The following PALLD variants were observed in gnomAD, a reference collection of about 807,000 sequenced individuals.
The protein encoded by PALLD is palladin.
PALLD carries 61 observed loss-of-function variants against 123.5 expected under a neutral mutation model. The observed-to-expected ratio is 0.49, with a 90% CI of 0.40 to 0.61. The LOEUF is 0.61. PALLD is among the 20% of genes least tolerant of loss of function. The probability of loss-of-function intolerance (pLI) is 0.00; values close to 1 mark genes in which losing one functional copy is unlikely to be tolerated. For synonymous variants in PALLD, 465 were observed against 496.4 expected (o/e 0.94, Z 0.84); for missense variants, 1,273 against 1,377.0 (o/e 0.92, Z 1.20).
chr4:168,723,172 C>G (rs145572119), intron 10 of PALLD, among the ~76,000 whole-genome samples: 19 of 152,108 alleles, frequency 1.2e-4, no homozygotes, highest in African/African-American at 4.6e-4. Flanking sequence ...GGATGGTGGC[C>G]AACAGTGATG....
intron 10 of PALLD, among the ~76,000 whole-genome samples, chr4:168,715,174 C>T (rs1038644296): frequency 2.0e-5 from 3 of 152,018 alleles, no homozygotes; most frequent in African/African-American, 7.2e-5. Flanking sequence ...GTTCCTGGCC[C>T]AGTCTGTGGT....
At chr4:168,555,221 A>T (rs1350297124) in intron 2 of PALLD, among the ~76,000 whole-genome samples, 1 of 152,228 alleles carries the variant, frequency 6.6e-6, no homozygotes, top group East Asian at 1.9e-4. Context: ...ATAAGTCCTA[A>T]GTGCCAGCAA....
At chr4:168,622,533 G>A (rs1480011294) in intron 2 of PALLD, among the ~76,000 whole-genome samples, 1 of 151,966 alleles carries the variant, frequency 6.6e-6, no homozygotes, top group East Asian at 1.9e-4. Context: ...TTTTCTTTCA[G>A]CCCAGAAGAA....
chr4:168,877,815 C>G, intron 10 of PALLD: 3 of 1,259,992 alleles, frequency 2.4e-6, no homozygotes, highest in Non-Finnish European at 3.0e-6. Flanking sequence ...CGCAGCGCGC[C>G]GCCCTCGCCC....
intron 17 of PALLD, among the ~76,000 whole-genome samples, chr4:168,918,530 C>T (rs142506481): frequency 6.8e-4 from 104 of 152,004 alleles, no homozygotes; most frequent in African/African-American, 2.4e-3. Flanking sequence ...ACGGGCTAGA[C>T]GGGGAGAGGG....
At chr4:168,878,015 G>T in intron 10 of PALLD, 1 of 1,497,010 alleles carries the variant, frequency 6.7e-7, no homozygotes, top group South Asian at 1.2e-5. Flanking sequence ...CGGCACGCCG[G>T]CCTCCAGCCC....
chr4:168,784,381 C>T (rs1405235282), intron 10 of PALLD, among the ~76,000 whole-genome samples: 1 of 152,098 alleles, frequency 6.6e-6, no homozygotes, highest in Non-Finnish European at 1.5e-5. Flanking sequence ...AGAAAGGTAA[C>T]TCCAGTTCCA....
At chr4:168,712,531 T>C (rs533129815) in intron 10 of PALLD, among the ~76,000 whole-genome samples, 4 of 152,314 alleles carry the variant, frequency 2.6e-5, no homozygotes, top group Non-Finnish European at 5.9e-5. Flanking sequence ...CATTATTTTC[T>C]TAGGATGATA....
At chr4:168,661,647 T>C (rs1779145997) in intron 2 of PALLD, among the ~76,000 whole-genome samples, 1 of 152,254 alleles carries the variant, frequency 6.6e-6, no homozygotes, top group African/African-American at 2.4e-5. Flanking sequence ...CCTCAGCTCC[T>C]TGTTTGTGTG....
chr4:168,608,677 G>A (rs1773427880), intron 2 of PALLD, among the ~76,000 whole-genome samples: 2 of 152,074 alleles, frequency 1.3e-5, no homozygotes, highest in Non-Finnish European at 2.9e-5. Flanking sequence ...TGCTGCTGCT[G>A]TTGTTGTTGC....
intron 6 of PALLD, among the ~76,000 whole-genome samples, chr4:168,689,432 C>CTTTTTTTTTTTTTTTTTT (rs70961551): frequency 4.0e-5 from 2 of 49,858 alleles, no homozygotes; most frequent in Non-Finnish European, 7.6e-5. Flanking sequence ...ATCCAATATT[C>CTTTTTTTTTTTTTTTTTT]TTTTTTTTTT....
At chr4:168,739,443 G>C (rs372083835) in intron 10 of PALLD, among the ~76,000 whole-genome samples, 3 of 152,154 alleles carry the variant, frequency 2.0e-5, no homozygotes, top group Admixed American at 6.5e-5. Context: ...AAGATAAAGA[G>C]AGCTTGGTCA....
chr4:168,619,884 C>G (rs1774587138), intron 2 of PALLD, among the ~76,000 whole-genome samples: 1 of 152,138 alleles, frequency 6.6e-6, no homozygotes, highest in African/African-American at 2.4e-5. Flanking sequence ...ATGGTTGTCC[C>G]CAGTGAAAAG....
At chr4:168,724,053 C>T (rs1451790990) in intron 10 of PALLD, among the ~76,000 whole-genome samples, 2 of 152,042 alleles carry the variant, frequency 1.3e-5, no homozygotes, top group African/African-American at 4.8e-5. Context: ...CCACCGTGCC[C>T]AGCTAATTTT....
intron 6 of PALLD, among the ~76,000 whole-genome samples, chr4:168,690,319 C>G (rs528805896): frequency 6.6e-6 from 1 of 152,264 alleles, no homozygotes; most frequent in South Asian, 2.1e-4. Context: ...TCCATAAATG[C>G]AGAGCAGTCA....
chr4:168,767,561 T>C (rs1733844322), intron 10 of PALLD, among the ~76,000 whole-genome samples: 1 of 147,820 alleles, frequency 6.8e-6, no homozygotes, highest in Admixed American at 6.7e-5. Context: ...TTTTTTTTTT[T>C]TCCGAGACAG....
chr4:168,609,345 C>CAAAAAA lies in PALLD; in HGVS notation c.909-58826_909-58821dup, dbSNP rs5863949. ...AGAAAGCAGGAGTGAAAGCTGTTACCAAAAAAAAAAAAAAAAAAAAAAAAG... is the reference window on the plus strand; with the variant it reads ...AGAAAGCAGGAGTGAAAGCTGTTACCAAAAAAAAAAAAAAAAAAAAAAAAAAAAAAG... On this transcript the variant is annotated intron_variant, in intron 2 of 21. Transcript: ENST00000505667. Among the ~76,000 whole-genome samples the CAAAAAA allele has an allele frequency of 3.5e-3, 254 of 71,578 alleles. 6 individuals carry two copies. The highest frequency in any genetic ancestry group is 0.013 in the African/African-American group (230 of 17,230). 47.0% of individuals were successfully genotyped at this position (71,578 alleles called of 152,430 possible). A position where few individuals can be genotyped will look rare whatever the true frequency, so the allele number is the denominator to read the frequency against.
chr4:168,646,643 A>T (rs574828591), intron 2 of PALLD, among the ~76,000 whole-genome samples: 2 of 152,336 alleles, frequency 1.3e-5, no homozygotes, highest in South Asian at 4.1e-4. Context: ...GCCACCACAC[A>T]GCTTGGGGCC....
At chr4:168,546,679 C>G (rs1471009375) in intron 2 of PALLD, among the ~76,000 whole-genome samples, 1 of 152,114 alleles carries the variant, frequency 6.6e-6, no homozygotes, top group Non-Finnish European at 1.5e-5. Flanking sequence ...TTTGAGGATA[C>G]CCGCTGATAC....
Sources: allele counts gnomAD v4.1 joint callset (sites outside exome capture counted in the v4.1 genomes callset), GRCh38; gene constraint gnomAD v4.1.1; transcripts MANE v1.5; gene names NCBI Gene and HGNC (gene_info 2026-07-23, HGNC 2026-07-21).